The following ATG7 variants were observed in gnomAD, a reference collection of about 807,000 sequenced individuals.
The protein encoded by ATG7 is autophagy related 7.
Under a neutral mutation model 82.4 loss-of-function variants are expected in ATG7, and 70 were observed. That is an observed-to-expected ratio of 0.85 (90% CI 0.70 to 1.04). ATG7 has a LOEUF of 1.04. ATG7 is among the 50% of genes least tolerant of loss of function. The pLI, the probability that ATG7 is intolerant of heterozygous loss-of-function variation, is 0.00. For synonymous variants in ATG7, 287 were observed against 313.0 expected, an observed-to-expected ratio of 0.92 and a Z score of 0.88; for missense variants, 792 against 864.3, an observed-to-expected ratio of 0.92 and a Z score of 1.05.
intron 20 of ATG7, among the ~76,000 whole-genome samples, chr3:11,466,903 G>A (rs2086878674): frequency 6.6e-6 from 1 of 152,178 alleles, no homozygotes; most frequent in Non-Finnish European, 1.5e-5. Context: ...GCCGAGGCGG[G>A]CAGATCACCT....
At chr3:11,402,778 A>AT (rs1402947667) in intron 19 of ATG7, among the ~76,000 whole-genome samples, 1 of 152,276 alleles carries the variant, frequency 6.6e-6, no homozygotes, top group South Asian at 2.1e-4. Flanking sequence ...AATATAACAC[A>AT]TTTTTTAACA....
chr3:11,402,134 G>C (rs1248825189), intron 19 of ATG7, among the ~76,000 whole-genome samples: 2 of 152,124 alleles, frequency 1.3e-5, no homozygotes, highest in Non-Finnish European at 2.9e-5. Context: ...AAAGGAAACT[G>C]TTGAAATAGC....
chr3:11,486,766 A>C (rs1272135440), intron 20 of ATG7, among the ~76,000 whole-genome samples: 1 of 151,238 alleles, frequency 6.6e-6, no homozygotes, highest in African/African-American at 2.4e-5. Context: ...GAATTTTGTC[A>C]AAGGCCTTTT....
At chr3:11,513,063 ATTGGTGTG>A (rs2092134013) in intron 20 of ATG7, among the ~76,000 whole-genome samples, 1 of 152,186 alleles carries the variant, frequency 6.6e-6, no homozygotes, top group Non-Finnish European at 1.5e-5. Flanking sequence ...CAGGGTGCTG[ATTGGTGTG>A]TTTACAAACC....
chr3:11,296,172 A>G (rs1262219108), intron 3 of ATG7, among the ~76,000 whole-genome samples: 1 of 152,118 alleles, frequency 6.6e-6, no homozygotes, highest in East Asian at 1.9e-4. Context: ...AGAACTGATC[A>G]TTGTCACCTG....
intron 20 of ATG7, among the ~76,000 whole-genome samples, chr3:11,439,350 T>G (rs1024719936): frequency 6.6e-6 from 1 of 152,194 alleles, no homozygotes; most frequent in Non-Finnish European, 1.5e-5. Context: ...ATTACAGGTG[T>G]GAGCCACTGC....
intron 20 of ATG7, among the ~76,000 whole-genome samples, chr3:11,489,264 C>A (rs768093294): frequency 6.6e-6 from 1 of 152,162 alleles, no homozygotes; most frequent in Non-Finnish European, 1.5e-5. Context: ...TGTCTTTTTG[C>A]GTAGAGGTGT....
intron 13 of ATG7, among the ~76,000 whole-genome samples, chr3:11,344,453 C>T (rs564471846): frequency 1.3e-5 from 2 of 152,332 alleles, no homozygotes; most frequent in South Asian, 4.1e-4. Context: ...GCTTTATCAA[C>T]TACGTTTATC....
chr3:11,451,925 A>C (rs1400415885), intron 20 of ATG7, among the ~76,000 whole-genome samples: 1 of 151,832 alleles, frequency 6.6e-6, no homozygotes, highest in Non-Finnish European at 1.5e-5. Context: ...ACACATATAC[A>C]TATCTCTTAA....
chr3:11,564,236 A>G, the ATG7 span, among the ~76,000 whole-genome samples: 1 of 152,232 alleles, frequency 6.6e-6, no homozygotes, highest in Non-Finnish European at 1.5e-5. Flanking sequence ...GCAATCATTT[A>G]ATTTCCTATT....
Position 11,514,670 on chromosome 3 carries a change from A to G in ATG7, c.2080-40141A>G, listed in dbSNP as rs2092207204. The stretch of plus-strand genomic sequence containing the variant: ...CTGCATTTCTGTTTCTGTTGTTGAC[A>G]GTGGCCTGATATGCATAGCATACTT... On this transcript the variant is annotated intron_variant, in intron 20 of 20. Coordinates refer to ENST00000693202, the MANE Select transcript of ATG7 (RefSeq NM_001349232.2). Among the ~76,000 whole-genome samples, 6 of 152,248 alleles carry G rather than the reference A, an allele frequency of 3.9e-5. 1 individual carries two copies. Among genetic ancestry groups the G allele is most frequent in the Admixed American group, 3.9e-4 (6 of 15,286 alleles).
At chr3:11,566,558 C>A in the ATG7 span, among the ~76,000 whole-genome samples, 2 of 152,208 alleles carry the variant, frequency 1.3e-5, no homozygotes, top group Admixed American at 6.5e-5. Flanking sequence ...CCGTCCTCAT[C>A]TCTGGCTTCA....
At chr3:11,366,188 T>C (rs995869264) in intron 18 of ATG7, among the ~76,000 whole-genome samples, 5 of 134,208 alleles carry the variant, frequency 3.7e-5, no homozygotes, top group African/African-American at 1.2e-4. Flanking sequence ...CATTGCACTG[T>C]GGCCTGGGCG....
chr3:11,479,984 G>A (rs2088733471), intron 20 of ATG7, among the ~76,000 whole-genome samples: 1 of 151,414 alleles, frequency 6.6e-6, no homozygotes, highest in Non-Finnish European at 1.5e-5. Context: ...CTGGAGTGCA[G>A]TGGCACAATC....
chr3:11,422,344 C>T (rs1429871049), intron 19 of ATG7, among the ~76,000 whole-genome samples: 1 of 152,246 alleles, frequency 6.6e-6, no homozygotes, highest in African/African-American at 2.4e-5. Flanking sequence ...GCAGCTTCTA[C>T]ATCAGTACTT....
At chr3:11,511,176 T>C (rs1252790218) in intron 20 of ATG7, among the ~76,000 whole-genome samples, 2 of 152,322 alleles carry the variant, frequency 1.3e-5, no homozygotes, top group South Asian at 2.1e-4. Context: ...GAAGGGGACC[T>C]GAGCGGGTTG....
chr3:11,554,756 G>T, intron 20 of ATG7, 55 bp from the exon 21 acceptor site: 1 of 1,602,244 alleles, frequency 6.2e-7, no homozygotes, highest in African/African-American at 1.3e-5. Flanking sequence ...GCATCTGTGT[G>T]CCCCCCACCG....
chr3:11,400,405 CAG>C (rs1394275712), intron 19 of ATG7, among the ~76,000 whole-genome samples: 1 of 152,136 alleles, frequency 6.6e-6, no homozygotes, highest in Non-Finnish European at 1.5e-5. Flanking sequence ...TTGAAGACAA[CAG>C]AAAATAAATA....
intron 20 of ATG7, among the ~76,000 whole-genome samples, chr3:11,523,101 C>T (rs190150041): frequency 9.9e-5 from 15 of 152,210 alleles, no homozygotes; most frequent in African/African-American, 3.6e-4. Context: ...GAAATGCTTC[C>T]TTGGGTGTTT....
Sources: allele counts gnomAD v4.1 joint callset (sites outside exome capture counted in the v4.1 genomes callset), GRCh38; gene constraint gnomAD v4.1.1; transcripts MANE v1.5; gene names NCBI Gene and HGNC (gene_info 2026-07-23, HGNC 2026-07-21).